SUGCT: variants seen among roughly 807,000 people sequenced by gnomAD.
SUGCT encodes succinyl-CoA:glutarate-CoA transferase.
Under a neutral mutation model 55.0 loss-of-function variants are expected in SUGCT, and 41 were observed. That is an observed-to-expected ratio of 0.74 (90% CI 0.58 to 0.97). The LOEUF is 0.97. SUGCT is among the 50% of genes least tolerant of loss of function. The probability of loss-of-function intolerance (pLI) is 0.00; values close to 1 mark genes in which losing one functional copy is unlikely to be tolerated. For missense variants in SUGCT, 568 were observed against 547.8 expected (o/e 1.04, Z -0.37); for synonymous variants, 187 against 200.4 (o/e 0.93, Z 0.56).
the SUGCT span, among the ~76,000 whole-genome samples, chr7:40,928,711 T>C: frequency 6.6e-6 from 1 of 151,882 alleles, no homozygotes; most frequent in Admixed American, 6.6e-5. Context: ...GCAATTCTCC[T>C]GCCTCAGCCT....
chr7:40,669,363 A>G (rs1584244988), intron 12 of SUGCT, among the ~76,000 whole-genome samples: 1 of 151,420 alleles, frequency 6.6e-6, no homozygotes, highest in East Asian at 1.9e-4. Context: ...AAAAAAAAAA[A>G]AAAAAATTAC....
At chr7:40,921,595 A>C in the SUGCT span, among the ~76,000 whole-genome samples, 3 of 152,230 alleles carry the variant, frequency 2.0e-5, no homozygotes, top group Non-Finnish European at 2.9e-5. Flanking sequence ...TCAGGACTCT[A>C]AACTTTCTCC....
the SUGCT span, among the ~76,000 whole-genome samples, chr7:40,928,174 CAGA>C: frequency 6.6e-6 from 1 of 151,934 alleles, no homozygotes; most frequent in African/African-American, 2.4e-5. Context: ...CCTCAGTACT[CAGA>C]GTACATTTTC....
chr7:40,603,198 T>C (rs1798371535), intron 12 of SUGCT, among the ~76,000 whole-genome samples: 1 of 152,340 alleles, frequency 6.6e-6, no homozygotes, highest in East Asian at 1.9e-4. Flanking sequence ...AAATTTGATT[T>C]TCCAAAGTTC....
intron 8 of SUGCT, among the ~76,000 whole-genome samples, chr7:40,281,291 GAGCTGAA>G (rs1433707185): frequency 6.6e-6 from 1 of 152,212 alleles, no homozygotes; most frequent in Non-Finnish European, 1.5e-5. Context: ...GAAGGAAGTA[GAGCTGAA>G]AGCTGAGATT....
chr7:40,331,603 C>CTGT (rs61201419), intron 9 of SUGCT, among the ~76,000 whole-genome samples: 85,022 of 151,570 alleles, frequency 0.56, 23,888 homozygotes, highest in South Asian at 0.65. Flanking sequence ...AGGCCTGCTG[C>CTGT]TATCTTTATC....
chr7:40,501,790 GA>G, intron 12 of SUGCT, among the ~76,000 whole-genome samples: 1 of 152,236 alleles, frequency 6.6e-6, no homozygotes, highest in Admixed American at 6.5e-5. Flanking sequence ...GGTTAAGGTA[GA>G]AAGTGTTCAG....
intron 12 of SUGCT, among the ~76,000 whole-genome samples, chr7:40,509,091 T>G (rs568859363): frequency 3.7e-4 from 56 of 152,130 alleles, no homozygotes; most frequent in Non-Finnish European, 7.4e-5. Context: ...AAAATTTATG[T>G]TTCTGGACTA....
chr7:40,513,163 C>A (rs755012802), intron 12 of SUGCT, among the ~76,000 whole-genome samples: 16 of 152,144 alleles, frequency 1.1e-4, no homozygotes, highest in Admixed American at 6.6e-5. Flanking sequence ...TACCAAAAAT[C>A]ATACATCGTG....
the SUGCT span, among the ~76,000 whole-genome samples, chr7:41,007,114 T>G: frequency 9.2e-5 from 14 of 152,202 alleles, no homozygotes; most frequent in East Asian, 2.7e-3. Context: ...TTTTTTAAAT[T>G]GAGTGGAAAC....
intron 9 of SUGCT, among the ~76,000 whole-genome samples, chr7:40,442,292 AG>A (rs1788555451): frequency 6.6e-6 from 1 of 152,182 alleles, no homozygotes; most frequent in Non-Finnish European, 1.5e-5. Flanking sequence ...GTAAAGTTAA[AG>A]AAGTCAGTTA....
At chr7:40,751,228 G>A (rs1169234081) in intron 13 of SUGCT, among the ~76,000 whole-genome samples, 4 of 152,168 alleles carry the variant, frequency 2.6e-5, no homozygotes, top group East Asian at 1.9e-4. Flanking sequence ...AGGTGATGAA[G>A]TGTGGGGTGT....
chr7:40,605,224 C>T (rs1436090264), intron 12 of SUGCT, among the ~76,000 whole-genome samples: 1 of 152,212 alleles, frequency 6.6e-6, no homozygotes, highest in Non-Finnish European at 1.5e-5. Flanking sequence ...TTATGTTTTA[C>T]TCCAATCAAC....
At chr7:40,314,559 CTTTTTTTTT>C (rs1292941632) in intron 8 of SUGCT, among the ~76,000 whole-genome samples, 1 of 108,732 alleles carries the variant, frequency 9.2e-6, no homozygotes, top group Non-Finnish European at 1.8e-5. Context: ...TCCCTTGTGT[CTTTTTTTTT>C]TTTTTTTTTT....
intron 12 of SUGCT, among the ~76,000 whole-genome samples, chr7:40,605,066 G>A (rs1239312577): frequency 6.6e-6 from 1 of 152,216 alleles, no homozygotes; most frequent in Admixed American, 6.5e-5. Context: ...CTCAGCGCCT[G>A]GCTTAAAGAA....
At chr7:40,598,872 TGA>T (rs1027110335) in intron 12 of SUGCT, among the ~76,000 whole-genome samples, 9 of 152,230 alleles carry the variant, frequency 5.9e-5, no homozygotes, top group Admixed American at 3.9e-4. Context: ...GGTTGACATT[TGA>T]GAGAGAGAGA....
intron 9 of SUGCT, among the ~76,000 whole-genome samples, chr7:40,317,997 C>T (rs113284651): frequency 2.6e-5 from 4 of 152,222 alleles, no homozygotes; most frequent in African/African-American, 9.6e-5. Context: ...GTTTTATGAC[C>T]ACCATTAATG....
intron 12 of SUGCT, among the ~76,000 whole-genome samples, chr7:40,697,898 C>T (rs1419339463): frequency 2.6e-5 from 4 of 152,208 alleles, no homozygotes; most frequent in Non-Finnish European, 5.9e-5. Flanking sequence ...CAGCCACGTG[C>T]AGGACCTTTG....
At chr7:40,181,090 G>A in intron 2 of SUGCT, 92 bp downstream of exon 2, 1 of 882,092 alleles carries the variant, frequency 1.1e-6, no homozygotes, top group Non-Finnish European at 1.8e-6. Flanking sequence ...AGACTTATAT[G>A]CTTATGTTGA....
Sources: gnomAD v4.1 joint callset for allele counts (sites outside exome capture counted in the v4.1 genomes callset) on GRCh38, gnomAD v4.1.1 for gene constraint, MANE v1.5 for transcripts, NCBI Gene and HGNC (gene_info 2026-07-23, HGNC 2026-07-21) for gene names.